The following TTC12 variants were observed in gnomAD, a reference collection of about 807,000 sequenced individuals.
TTC12 encodes the protein tetratricopeptide repeat domain 12.
A neutral mutation model predicts 90.1 loss-of-function variants in TTC12; 70 were observed. That is an observed-to-expected ratio of 0.78 (90% CI 0.64 to 0.95). TTC12 has a LOEUF of 0.95. Among genes scored for constraint, TTC12 ranks in the 40% least tolerant of loss-of-function variants. The pLI is 0.00. For synonymous variants in TTC12, 296 were observed against 311.5 expected (o/e 0.95, Z 0.53); for missense variants, 819 against 846.1 (o/e 0.97, Z 0.40).
chr11:113,361,660 G>A (rs1200430307), intron 18 of TTC12, among the ~76,000 whole-genome samples: 2 of 152,088 alleles, frequency 1.3e-5, no homozygotes, highest in East Asian at 1.9e-4. Flanking sequence ...TCTAGTATAC[G>A]GGGGTGCCAC....
At chr11:113,351,462 C>CA (rs1949289420) in intron 15 of TTC12, among the ~76,000 whole-genome samples, 163 bp downstream of exon 15, 1 of 152,204 alleles carries the variant, frequency 6.6e-6, no homozygotes, top group Non-Finnish European at 1.5e-5. Flanking sequence ...GAAACAGCTA[C>CA]AGGAGGGACA....
At chr11:113,354,720 A>C (rs1482879067) in intron 16 of TTC12, among the ~76,000 whole-genome samples, 2 of 152,224 alleles carry the variant, frequency 1.3e-5, no homozygotes, top group African/African-American at 4.8e-5. Flanking sequence ...TGAGATAATC[A>C]CATGGTTTTT....
At chr11:113,323,194 G>T in intron 2 of TTC12, 94 bp from the exon 3 acceptor site, 1 of 924,698 alleles carries the variant, frequency 1.1e-6, no homozygotes, top group Non-Finnish European at 1.4e-6. Context: ...TTTTCTTTAA[G>T]ATCTTTCCCA....
intron 7 of TTC12, among the ~76,000 whole-genome samples, chr11:113,332,949 CT>C (rs1555142960): frequency 4.6e-5 from 7 of 152,172 alleles, no homozygotes; most frequent in Non-Finnish European, 1.5e-5. Flanking sequence ...TCAGATCTTT[CT>C]TTGACATAGC....
chr11:113,345,029 T>C (rs932743792), intron 13 of TTC12, among the ~76,000 whole-genome samples: 8 of 152,330 alleles, frequency 5.3e-5, no homozygotes, highest in Middle Eastern at 3.4e-3. Context: ...TTTTAAATCA[T>C]TTATTTATTT....
At chr11:113,351,905 A>T (rs1044565969) in intron 15 of TTC12, among the ~76,000 whole-genome samples, 165 bp from the exon 16 acceptor site, 2 of 152,184 alleles carry the variant, frequency 1.3e-5, no homozygotes, top group African/African-American at 4.8e-5. Flanking sequence ...TTACCCCTCT[A>T]TGTGCCTCCA....
At position 113,329,950 on chromosome 11, in the gene TTC12, G is replaced by T. The variant is rs1555142214; in HGVS notation, c.475G>T (p.Ala159Ser). Residue 159 changes from alanine (A) to serine (S), a missense_variant, in exon 7 of 22, where the codon GCA becomes TCA. Coordinates refer to ENST00000529221, the MANE Select transcript of TTC12 (RefSeq NM_017868.4). ...TATGAAACTTGAGGACTATGAGAAG[G>T]CACTGGTGGATTGTGAGTGGGCTCT... ...AYMKLEDYEK[A>S]LVDCEWALKC... The T allele has an allele frequency of 1.2e-6, 2 of 1,613,694 alleles. No homozygotes were observed. Among genetic ancestry groups the T allele is most frequent in the Admixed American group, 1.7e-5 (1 of 60,018 alleles).
intron 13 of TTC12, among the ~76,000 whole-genome samples, chr11:113,347,880 C>T (rs1565608999): frequency 1.3e-5 from 2 of 152,196 alleles, no homozygotes; most frequent in Non-Finnish European, 2.9e-5. Flanking sequence ...CCCTTCTCTG[C>T]CCTGTGGCAT....
intron 21 of TTC12, chr11:113,371,405 G>A (rs1950382925): frequency 6.6e-6 from 1 of 151,914 alleles, no homozygotes; most frequent in Admixed American, 6.6e-5. Context: ...TATTTTTATT[G>A]TTTTTTCCCC....
At chr11:113,350,369 G>A (rs782298808) in intron 14 of TTC12, among the ~76,000 whole-genome samples, 4 of 152,136 alleles carry the variant, frequency 2.6e-5, no homozygotes, top group Admixed American at 6.5e-5. Context: ...AGGCTGACCC[G>A]GGCCTCCATG....
chr11:113,360,035 A>C (rs1555154213), intron 18 of TTC12, 27 bp downstream of exon 18: 6 of 1,059,882 alleles, frequency 5.7e-6, no homozygotes, highest in Middle Eastern at 2.6e-4. Flanking sequence ...GAAATCCAGA[A>C]GCAGCTTCCA....
intron 13 of TTC12, 124 bp from the exon 14 acceptor site, chr11:113,349,949 G>A (rs1052046580): frequency 1.0e-5 from 8 of 768,296 alleles, no homozygotes; most frequent in Middle Eastern, 2.5e-4. Flanking sequence ...GGCATGACAA[G>A]GCACCCTTTC....
intron 7 of TTC12, among the ~76,000 whole-genome samples, chr11:113,334,028 G>A (rs543041221): frequency 1.2e-3 from 181 of 152,202 alleles, no homozygotes; most frequent in Non-Finnish European, 2.0e-3. Context: ...CATTTTCTAG[G>A]TCAGGAAAAT....
chr11:113,341,758 G>A, intron 11 of TTC12, 79 bp from the exon 12 acceptor site: 1 of 1,057,796 alleles, frequency 9.5e-7, no homozygotes, highest in Non-Finnish European at 1.5e-6. Context: ...TGAATCTAGG[G>A]GTGAAATAAA....
chr11:113,347,855 AG>A (rs1438818017), intron 13 of TTC12, among the ~76,000 whole-genome samples: 10 of 152,182 alleles, frequency 6.6e-5, no homozygotes, highest in African/African-American at 2.4e-4. Flanking sequence ...AAAGATGTCA[AG>A]GTCAAAGTCC....
At position 113,359,742 on chromosome 11, in the gene TTC12, C is replaced by T. The variant is rs557072384; in HGVS notation, c.1546-198C>T. Among the ~76,000 whole-genome samples, 4 of 152,240 alleles carry T rather than the reference C, an allele frequency of 2.6e-5. No homozygotes were observed. The South Asian group carries it at 8.3e-4, about 32-fold the overall frequency. On this transcript the variant is annotated intron_variant, in intron 17 of 21. Coordinates refer to ENST00000529221, the MANE Select transcript of TTC12 (RefSeq NM_017868.4). Reference sequence around the variant, plus strand: ...TTACAAAGTCAAATAAAAGGCGGTTCCTGCTATCAGGGTAATGCCCTGGAG... The same window carrying T: ...TTACAAAGTCAAATAAAAGGCGGTTTCTGCTATCAGGGTAATGCCCTGGAG...
intron 10 of TTC12, 23 bp from the exon 11 acceptor site, chr11:113,340,641 G>A (rs1313080837): frequency 6.2e-7 from 1 of 1,604,950 alleles, no homozygotes. Flanking sequence ...AGTCTGAAGT[G>A]GTTTTCTTTG....
chr11:113,349,950 G>T, intron 13 of TTC12, 123 bp from the exon 14 acceptor site: 1 of 770,396 alleles, frequency 1.3e-6, no homozygotes. Flanking sequence ...GCATGACAAG[G>T]CACCCTTTCT....
Position 113,329,810 on chromosome 11 carries a change from T to C in TTC12, c.445-110T>C, listed in dbSNP as rs929733178. 9 of 895,830 alleles carry C rather than the reference T, an allele frequency of 1.0e-5. No homozygotes were observed. The East Asian group carries it at 2.0e-4, about 20-fold the overall frequency. The allele number at this position is 895,830 out of a possible 1,614,324, so 55.5% of individuals were successfully genotyped here. ...CTGGCAGGACCATGACTGATCCAGGTAGGGGATAGTTCTCGCTGACATTCT... is the reference window on the plus strand; with the variant it reads ...CTGGCAGGACCATGACTGATCCAGGCAGGGGATAGTTCTCGCTGACATTCT... On this transcript the variant is annotated intron_variant, in intron 6 of 21. Coordinates refer to ENST00000529221, the MANE Select transcript of TTC12 (RefSeq NM_017868.4).
Sources: allele counts gnomAD v4.1 joint callset (sites outside exome capture counted in the v4.1 genomes callset), GRCh38; gene constraint gnomAD v4.1.1; transcripts MANE v1.5; gene names NCBI Gene and HGNC (gene_info 2026-07-23, HGNC 2026-07-21).